Variants in PROS1 observed in about 807,000 individuals in gnomAD.
The protein encoded by PROS1 is vitamin K-dependent protein S.
Under a neutral mutation model 75.9 loss-of-function variants are expected in PROS1, and 29 were observed. The observed-to-expected ratio is 0.38, with a 90% CI of 0.28 to 0.52. PROS1 has a LOEUF of 0.52. Among genes scored for constraint, PROS1 ranks in the 20% least tolerant of loss-of-function variants. PROS1 has a pLI of 0.83. For missense variants in PROS1, 680 were observed against 810.3 expected, an observed-to-expected ratio of 0.84 and a Z score of 1.95; for synonymous variants, 245 against 280.6, an observed-to-expected ratio of 0.87 and a Z score of 1.27.
intron 13 of PROS1, among the ~76,000 whole-genome samples, chr3:93,878,930 C>T (rs1385322006): frequency 1.3e-5 from 2 of 152,138 alleles, no homozygotes; most frequent in Non-Finnish European, 2.9e-5. Context: ...GTAGGTTTTT[C>T]ATTCCTCCCT....
At chr3:93,911,756 G>C (rs1257939718) in intron 3 of PROS1, among the ~76,000 whole-genome samples, 1 of 152,158 alleles carries the variant, frequency 6.6e-6, no homozygotes, top group Non-Finnish European at 1.5e-5. Flanking sequence ...TAGCTTCTAA[G>C]ACAGAGAAAG....
intron 1 of PROS1, among the ~76,000 whole-genome samples, chr3:93,940,172 G>T (rs1233854975): frequency 1.3e-5 from 2 of 152,066 alleles, no homozygotes; most frequent in Non-Finnish European, 2.9e-5. Flanking sequence ...ACTGGAAATC[G>T]GACAGTCCAA....
chr3:93,905,997 G>A, intron 5 of PROS1, 24 bp downstream of exon 5: 1 of 1,613,810 alleles, frequency 6.2e-7, no homozygotes, highest in Non-Finnish European at 8.5e-7. Flanking sequence ...TGATGAGCTG[G>A]GGGGCGGGGG....
At chr3:93,930,127 T>C (rs1274643806) in intron 1 of PROS1, among the ~76,000 whole-genome samples, 1 of 152,222 alleles carries the variant, frequency 6.6e-6, no homozygotes, top group Admixed American at 6.5e-5. Context: ...AATAAATAAA[T>C]TGTTTGGGTT....
At chr3:93,966,927 T>C (rs1709800123) in intron 1 of PROS1, among the ~76,000 whole-genome samples, 2 of 152,158 alleles carry the variant, frequency 1.3e-5, no homozygotes, top group South Asian at 2.1e-4. Flanking sequence ...AGAGAAGCCA[T>C]AAAACCAAAT....
intron 1 of PROS1, among the ~76,000 whole-genome samples, chr3:93,966,813 A>T (rs1462668990): frequency 6.6e-6 from 1 of 151,294 alleles, no homozygotes; most frequent in Non-Finnish European, 1.5e-5. Flanking sequence ...CTGTTCCAAA[A>T]AAAAAAAAAA....
chr3:93,957,781 C>T (rs1709628025), intron 1 of PROS1, among the ~76,000 whole-genome samples: 1 of 152,090 alleles, frequency 6.6e-6, no homozygotes, highest in Non-Finnish European at 1.5e-5. Flanking sequence ...TCTCACATTG[C>T]TACGAAGAAA....
At chr3:93,907,408 G>A (rs1559935801) in intron 4 of PROS1, among the ~76,000 whole-genome samples, 2 of 152,148 alleles carry the variant, frequency 1.3e-5, no homozygotes, top group African/African-American at 2.4e-5. Flanking sequence ...ACCAGCTGCA[G>A]ACAGGAGCCA....
intron 3 of PROS1, among the ~76,000 whole-genome samples, chr3:93,920,316 G>T (rs1420171703): frequency 6.6e-6 from 1 of 152,106 alleles, no homozygotes; most frequent in African/African-American, 2.4e-5. Flanking sequence ...TCAAGATCAT[G>T]AAATATCTTT....
At chr3:93,914,423 T>C (rs369817795) in intron 3 of PROS1, among the ~76,000 whole-genome samples, 3 of 152,280 alleles carry the variant, frequency 2.0e-5, no homozygotes, top group Non-Finnish European at 4.4e-5. Flanking sequence ...GAGTGGTGGG[T>C]TGAGATGCAC....
At chr3:93,896,457 A>G in intron 9 of PROS1, 119 bp downstream of exon 9, 1 of 785,788 alleles carries the variant, frequency 1.3e-6, no homozygotes, top group Non-Finnish European at 2.3e-6. Context: ...CTGATTGGTA[A>G]TATGACTACA....
intron 13 of PROS1, 114 bp downstream of exon 13, chr3:93,879,049 C>T: frequency 1.8e-6 from 2 of 1,093,844 alleles, no homozygotes; most frequent in South Asian, 1.5e-5. Flanking sequence ...AAACACTTTA[C>T]ATAAGTTACT....
rs1708959303 is a variant in PROS1 at position 93,922,642 on chromosome 3, T to A, written c.259+1598A>T. Among the ~76,000 whole-genome samples, 5 of 152,214 alleles carry A rather than the reference T, an allele frequency of 3.3e-5. No individual in the cohort carries two copies. The South Asian group carries it at 1.0e-3, about 31-fold the overall frequency. On this transcript the variant is annotated intron_variant, in intron 3 of 14. Transcript: ENST00000394236. Reference sequence around the variant, plus strand: ...ACTACAGGGACCTTCCTGTATGAGCTGTTGTAGTTAGTAAAACTACTGTTA... The same window carrying A: ...ACTACAGGGACCTTCCTGTATGAGCAGTTGTAGTTAGTAAAACTACTGTTA...
intron 10 of PROS1, among the ~76,000 whole-genome samples, chr3:93,887,309 A>T (rs1708364446): frequency 6.6e-6 from 1 of 152,198 alleles, no homozygotes; most frequent in Non-Finnish European, 1.5e-5. Flanking sequence ...TTCAAAAGTG[A>T]TTGAGGCAAT....
chr3:93,947,547 G>A (rs781065081), intron 1 of PROS1, among the ~76,000 whole-genome samples: 14 of 152,046 alleles, frequency 9.2e-5, no homozygotes, highest in East Asian at 1.9e-4. Context: ...GGAGAAAGCC[G>A]ATAAAGCAAC....
At chr3:93,944,841 C>T (rs1057474540) in intron 1 of PROS1, among the ~76,000 whole-genome samples, 1 of 151,886 alleles carries the variant, frequency 6.6e-6, no homozygotes, top group Non-Finnish European at 1.5e-5. Flanking sequence ...ACACAAAAAA[C>T]CCTTCAAAAA....
At chr3:93,970,579 G>A (rs562881336) in intron 1 of PROS1, among the ~76,000 whole-genome samples, 3 of 151,852 alleles carry the variant, frequency 2.0e-5, no homozygotes, top group Admixed American at 6.6e-5. Flanking sequence ...CTGGCTTCAC[G>A]CGATCCTTCC....
chr3:93,897,005 A>G (rs1359403183), intron 8 of PROS1, among the ~76,000 whole-genome samples: 6 of 152,106 alleles, frequency 3.9e-5, no homozygotes, highest in African/African-American at 7.2e-5. Context: ...AAGAACCAAT[A>G]TATATTTCTT....
In PROS1 at chr3:93,961,665, T is replaced by C. The variant is rs769469375; in HGVS notation, c.76+12009A>G. Among the ~76,000 whole-genome samples the C allele has an allele frequency of 1.6e-4, 24 of 152,224 alleles. 1 individual carries two copies. The highest frequency in any genetic ancestry group is 2.9e-4 in the Non-Finnish European group (20 of 68,046). On this transcript the variant is annotated intron_variant, in intron 1 of 14. Coordinates refer to ENST00000394236, the MANE Select transcript of PROS1 (RefSeq NM_000313.4). The stretch of plus-strand genomic sequence containing the variant: ...TCCTAAGCTGTTAAATTTTTGGTAA[T>C]GTGTTACAAAGCAATAGAAAATGAA...
Sources: gnomAD v4.1 joint callset for allele counts (sites outside exome capture counted in the v4.1 genomes callset) on GRCh38, gnomAD v4.1.1 for gene constraint, MANE v1.5 for transcripts, NCBI Gene and HGNC (gene_info 2026-07-23, HGNC 2026-07-21) for gene names.